Variants in DSC3 observed in about 807,000 individuals in gnomAD.
DSC3 encodes desmocollin 3.
A neutral mutation model predicts 89.5 loss-of-function variants in DSC3; 97 were observed. The ratio of observed to expected loss-of-function variants is 1.08; its 90% CI spans 0.92 to 1.28. DSC3 has a LOEUF of 1.28. Ranked by LOEUF, DSC3 falls within the 50% of genes most tolerant of loss-of-function variation. The probability of loss-of-function intolerance (pLI) is 0.00; values close to 1 mark genes in which losing one functional copy is unlikely to be tolerated. For synonymous variants in DSC3, 436 were observed against 384.1 expected, an observed-to-expected ratio of 1.14 and a Z score of -1.58; for missense variants, 1,199 against 1,085.3, an observed-to-expected ratio of 1.10 and a Z score of -1.47.
At chr18:31,007,449 T>C (rs1984891594) in intron 11 of DSC3, among the ~76,000 whole-genome samples, 2 of 152,124 alleles carry the variant, frequency 1.3e-5, no homozygotes, top group Admixed American at 1.3e-4. Flanking sequence ...AGTAAAGTGG[T>C]TACAGATAAG....
In DSC3 at chr18:30,993,900, T is replaced by A. The variant is rs1254622475; in HGVS notation, c.*275A>T. 1 of 326,034 alleles carries A rather than the reference T, an allele frequency of 3.1e-6. No homozygotes were observed. The highest frequency in any genetic ancestry group is 5.8e-6 in the Non-Finnish European group (1 of 172,904). 20.2% of individuals were successfully genotyped at this position (326,034 alleles called of 1,614,324 possible). A position where few individuals can be genotyped will look rare whatever the true frequency, so the allele number is the denominator to read the frequency against. On this transcript the variant is annotated 3_prime_UTR_variant, in exon 16 of 16. Coordinates refer to ENST00000360428, the MANE Select transcript of DSC3 (RefSeq NM_001941.5). ...ACTAATATTTATCCAGCATATTTAT[T>A]ACTAAAATATCCGTAAAAAAAAAAA...
chr18:31,021,644 T>A (rs903595900), intron 7 of DSC3, among the ~76,000 whole-genome samples: 1 of 152,216 alleles, frequency 6.6e-6, no homozygotes, highest in Non-Finnish European at 1.5e-5. Context: ...TTGATTCATC[T>A]GCCTTAGTCA....
intron 4 of DSC3, among the ~76,000 whole-genome samples, chr18:31,028,416 C>T (rs1483206210): frequency 1.3e-5 from 2 of 152,070 alleles, no homozygotes; most frequent in African/African-American, 4.8e-5. Context: ...AAAGCAAAGG[C>T]TAAAACTAGC....
chr18:31,004,763 C>T (rs943207835), intron 12 of DSC3, among the ~76,000 whole-genome samples: 1 of 152,212 alleles, frequency 6.6e-6, no homozygotes, highest in African/African-American at 2.4e-5. Flanking sequence ...CTAGTATTTG[C>T]GCACTATTCA....
chr18:31,027,807 C>T (rs758630852), intron 4 of DSC3, among the ~76,000 whole-genome samples: 8 of 152,048 alleles, frequency 5.3e-5, no homozygotes, highest in African/African-American at 9.7e-5. Context: ...TTCAGCCCTA[C>T]GGACAATTCT....
intron 9 of DSC3, 111 bp downstream of exon 9, chr18:31,017,959 TA>T: frequency 2.3e-6 from 2 of 887,476 alleles, no homozygotes; most frequent in East Asian, 5.0e-5. Context: ...AAATAGATTT[TA>T]AATTTTCTTC....
At chr18:31,008,732 T>C (rs1984956454) in intron 9 of DSC3, among the ~76,000 whole-genome samples, 1 of 152,170 alleles carries the variant, frequency 6.6e-6, no homozygotes, top group Non-Finnish European at 1.5e-5. Context: ...TGCAGGTAGT[T>C]TCATAGAGTT....
At chr18:31,012,788 A>C (rs538750884) in intron 9 of DSC3, among the ~76,000 whole-genome samples, 90 of 152,364 alleles carry the variant, frequency 5.9e-4, no homozygotes, top group Non-Finnish European at 1.1e-3. Context: ...ATAGAAAAGG[A>C]AAAACTATGG....
Position 30,994,375 on chromosome 18 carries a change from G to C in DSC3, c.2494-3C>G. 1 of 1,613,140 alleles carries C rather than the reference G, an allele frequency of 6.2e-7. No individual in the cohort carries two copies. Among genetic ancestry groups the C allele is most frequent in the Non-Finnish European group, 8.5e-7 (1 of 1,179,560 alleles). On this transcript the variant is annotated splice_polypyrimidine_tract_variant and splice_region_variant and intron_variant, in intron 15 of 15. Transcript: ENST00000360428. ...TTCTGATTACATCGATGCAATTTCT[G>C]TAAAATTTTTTAAAAAATGAATTGC...
intron 6 of DSC3, among the ~76,000 whole-genome samples, chr18:31,023,559 A>G (rs1985495283): frequency 6.6e-6 from 1 of 152,198 alleles, no homozygotes; most frequent in African/African-American, 2.4e-5. Context: ...CATCTATGAC[A>G]TCAGATTAAC....
At chr18:31,035,853 A>G (rs1985952906) in intron 1 of DSC3, among the ~76,000 whole-genome samples, 1 of 152,132 alleles carries the variant, frequency 6.6e-6, no homozygotes, top group African/African-American at 2.4e-5. Context: ...ATACTTCCTC[A>G]GTAGGATTTT....
rs1984375086 is a variant in DSC3 at position 30,994,229 on chromosome 18, T to G, written c.2637A>C (p.Leu879Phe). Residue 879 changes from leucine to phenylalanine, a missense_variant, in exon 16 of 16, where the codon TTA becomes TTC. Coordinates refer to ENST00000360428, the MANE Select transcript of DSC3 (RefSeq NM_001941.5). ...EKQEEDGLDF[L>F]NNLEPKFITL... Reference sequence around the variant, plus strand: ...TAATAAATTTGGGTTCCAAATTATTTAAAAAGTCAAGGCCATCTTCTTCCT... The same window carrying G: ...TAATAAATTTGGGTTCCAAATTATTGAAAAAGTCAAGGCCATCTTCTTCCT... 3.7e-6 allele frequency: 6 copies of G among 1,614,122 alleles called. No homozygotes were observed. Among genetic ancestry groups the G allele is most frequent in the Non-Finnish European group, 4.2e-6 (5 of 1,179,996 alleles).
At chr18:31,013,418 C>A (rs761805757) in intron 9 of DSC3, among the ~76,000 whole-genome samples, 3 of 152,086 alleles carry the variant, frequency 2.0e-5, no homozygotes, top group Non-Finnish European at 4.4e-5. Context: ...TGACACAAAT[C>A]TCACAACCAC....
chr18:31,022,304 C>A (rs752472879), intron 7 of DSC3, 32 bp downstream of exon 7: 2 of 1,613,450 alleles, frequency 1.2e-6, no homozygotes, highest in East Asian at 2.2e-5. Context: ...TAATCCTCAG[C>A]GAAATGAAAT....
At chr18:31,036,263 C>A (rs1271611110) in intron 1 of DSC3, among the ~76,000 whole-genome samples, 1 of 152,156 alleles carries the variant, frequency 6.6e-6, no homozygotes, top group Non-Finnish European at 1.5e-5. Flanking sequence ...ATGTTGCCAA[C>A]CTAATGGCTG....
intron 15 of DSC3, 149 bp downstream of exon 15, chr18:30,996,642 G>A: frequency 1.3e-6 from 1 of 775,462 alleles, no homozygotes; most frequent in African/African-American, 1.7e-5. Flanking sequence ...ATTAAATAAT[G>A]TAACAAAATC....
intron 9 of DSC3, among the ~76,000 whole-genome samples, chr18:31,015,360 T>C (rs1360318692): frequency 6.6e-6 from 1 of 152,206 alleles, no homozygotes; most frequent in South Asian, 2.1e-4. Flanking sequence ...TTCTATGATA[T>C]AGGTTATAAC....
In DSC3 at chr18:31,024,421, C is replaced by G; in HGVS notation, c.703G>C (p.Asp235His). The G allele has an allele frequency of 6.2e-7, 1 of 1,611,498 alleles. No individual in the cohort carries two copies. Among genetic ancestry groups the G allele is most frequent in the Non-Finnish European group, 8.5e-7 (1 of 1,178,372 alleles). ...AAAACAGGGTGGTTGTCATTTTCAT[C>G]CTCTACCCTGATGGGTAGTGGGAGG... ...LPLPLPIRVE[D>H]ENDNHPVFTE... The change falls in exon 6 of 16, where the codon GAT becomes CAT. Residue 235 changes from aspartate to histidine, a missense_variant. Physicochemically the swap from Asp to His is moderately conservative, Grantham distance 81 (BLOSUM62 -1). Transcript: ENST00000360428.
chr18:30,995,917 A>T (rs1389855829), intron 15 of DSC3, among the ~76,000 whole-genome samples: 2 of 132,422 alleles, frequency 1.5e-5, no homozygotes, highest in Non-Finnish European at 3.1e-5. Flanking sequence ...GGCTGCAGTG[A>T]GTGGAGATTG....
Sources: allele counts gnomAD v4.1 joint callset (sites outside exome capture counted in the v4.1 genomes callset), GRCh38; gene constraint gnomAD v4.1.1; transcripts MANE v1.5; gene names NCBI Gene and HGNC (gene_info 2026-07-23, HGNC 2026-07-21).